The following PCDHGB1 variants were observed in gnomAD, a reference collection of about 807,000 sequenced individuals.
The protein encoded by PCDHGB1 is protocadherin gamma-B1.
PCDHGB1 carries 34 observed loss-of-function variants against 56.6 expected under a neutral mutation model. The observed-to-expected ratio is 0.60, with a 90% CI of 0.46 to 0.80. The LOEUF (loss-of-function observed/expected upper bound fraction) is 0.80. Among genes scored for constraint, PCDHGB1 ranks in the 30% least tolerant of loss-of-function variants. PCDHGB1 has a pLI of 0.00. For synonymous variants in PCDHGB1, 561 were observed against 505.9 expected (o/e 1.11, Z -1.46); for missense variants, 1,278 against 1,204.6 (o/e 1.06, Z -0.90).
chr5:141,486,421 G>A lies in PCDHGB1; in HGVS notation c.2410-8386G>A, dbSNP rs772631503. ...TGACTGCTGGACCCTTGGATCGAGA[G>A]GCCAAATCTAGCTATGACATCATGG... On this transcript the variant is annotated intron_variant, in intron 1 of 3. Coordinates refer to ENST00000523390, the MANE Select transcript of PCDHGB1 (RefSeq NM_018922.3). This position sits in a 1 kb window ranked among gnomAD's most constrained non-coding sequence, Gnocchi z 5.0. 2.5e-6 allele frequency: 4 copies of A among 1,614,152 alleles called. No homozygotes were observed. In the East Asian group the frequency reaches 6.7e-5, roughly 27 times the overall value.
chr5:141,416,699 T>C (rs1232694721), intron 1 of PCDHGB1: 1 of 152,092 alleles, frequency 6.6e-6, no homozygotes, highest in Non-Finnish European at 1.5e-5. Context: ...AAACAAAGGA[T>C]CATTGGAGGT....
intron 1 of PCDHGB1, chr5:141,389,603 C>A: frequency 6.2e-7 from 1 of 1,613,148 alleles, no homozygotes; most frequent in Non-Finnish European, 8.5e-7. Flanking sequence ...CTGCGCTCTT[C>A]GATATGGTGC....
In PCDHGB1 at chr5:141,510,983, C is replaced by T; in HGVS notation, c.2594C>T (p.Ala865Val). The change falls in exon 4 of 4, where the codon GCC becomes GTC. Residue 865 changes from alanine to valine, a missense_variant. Transcript: ENST00000523390. The stretch of plus-strand genomic sequence containing the variant: ...GGGAGCTCCACCCTGGGAGGGGGTG[C>T]CGGCACCATGGGATTGAGCGCCCGC... ...ADGSSTLGGG[A>V]GTMGLSARYG... The T allele has an allele frequency of 6.2e-7, 1 of 1,614,162 alleles. No homozygotes were observed. The highest frequency in any genetic ancestry group is 8.5e-7 in the Non-Finnish European group (1 of 1,180,012).
chr5:141,453,111 G>A (rs1040339344), intron 1 of PCDHGB1, among the ~76,000 whole-genome samples: 5 of 151,718 alleles, frequency 3.3e-5, no homozygotes, highest in Non-Finnish European at 5.9e-5. Flanking sequence ...TTTTTGTTTT[G>A]TTTTGTTTTG....
chr5:141,356,569 T>C, intron 1 of PCDHGB1: 1 of 1,614,170 alleles, frequency 6.2e-7, no homozygotes, highest in Non-Finnish European at 8.5e-7. Flanking sequence ...TCATGCTTCC[T>C]ACTCTGCTTA....
chr5:141,358,643 A>G (rs1291324695), intron 1 of PCDHGB1, among the ~76,000 whole-genome samples: 1 of 152,082 alleles, frequency 6.6e-6, no homozygotes, highest in Non-Finnish European at 1.5e-5. Context: ...ATATATAAGT[A>G]GATTCTAGGA....
At position 141,375,271 on chromosome 5, in the gene PCDHGB1, A is replaced by C. The variant is rs748119820; in HGVS notation, c.2409+22602A>C. 1.5e-5 allele frequency: 24 copies of C among 1,613,884 alleles called. No homozygotes were observed. The East Asian group carries it at 4.5e-4, about 30-fold the overall frequency. On this transcript the variant is annotated intron_variant, in intron 1 of 3. Coordinates refer to ENST00000523390, the MANE Select transcript of PCDHGB1 (RefSeq NM_018922.3). ...GAAGTCTCCCATTTGAATTGGAAAAATCAGTTGGCAATTATTATCGATTAG... is the reference window on the plus strand; with the variant it reads ...GAAGTCTCCCATTTGAATTGGAAAACTCAGTTGGCAATTATTATCGATTAG...
chr5:141,409,803 C>T (rs779815582), intron 1 of PCDHGB1: 3 of 1,611,528 alleles, frequency 1.9e-6, no homozygotes, highest in African/African-American at 1.3e-5. Flanking sequence ...ACGCTGCAGG[C>T]CCGCGACCAC....
At position 141,431,031 on chromosome 5, in the gene PCDHGB1, A is replaced by C; in HGVS notation, c.2410-63776A>C. Reference sequence around the variant, plus strand: ...AGCTTGGTCACGGCGGGCAGGATAGACCGGGAGGAGCTCTGTATGGGGGCC... The same window carrying C: ...AGCTTGGTCACGGCGGGCAGGATAGCCCGGGAGGAGCTCTGTATGGGGGCC... On this transcript the variant is annotated intron_variant, in intron 1 of 3. Coordinates refer to ENST00000523390, the MANE Select transcript of PCDHGB1 (RefSeq NM_018922.3). This position sits in a 1 kb window ranked among gnomAD's most constrained non-coding sequence, Gnocchi z 4.8. 1 of 1,614,036 alleles carries C rather than the reference A, an allele frequency of 6.2e-7. No homozygotes were observed. The highest frequency in any genetic ancestry group is 8.5e-7 in the Non-Finnish European group (1 of 1,180,000).
At chr5:141,463,610 G>A (rs189991450) in intron 1 of PCDHGB1, among the ~76,000 whole-genome samples, 2 of 151,672 alleles carry the variant, frequency 1.3e-5, no homozygotes, top group Admixed American at 6.6e-5. Flanking sequence ...CACCATGCCC[G>A]GCTAATTTTT....
At chr5:141,391,868 A>T (rs1269292273) in intron 1 of PCDHGB1, 1 of 152,190 alleles carries the variant, frequency 6.6e-6, no homozygotes, top group Non-Finnish European at 1.5e-5. Context: ...AAATTTAATC[A>T]TCTCTTTGGT....
chr5:141,430,458 A>G, intron 1 of PCDHGB1: 1 of 204,230 alleles, frequency 4.9e-6, no homozygotes, highest in Non-Finnish European at 9.7e-6. Context: ...GAAGAACAGT[A>G]GGTGGAGCTA....
intron 1 of PCDHGB1, chr5:141,413,581 A>T: frequency 1.9e-6 from 3 of 1,613,920 alleles, no homozygotes; most frequent in Non-Finnish European, 2.5e-6. Context: ...CAATGCTCCA[A>T]AATTCCAAGC....
intron 1 of PCDHGB1, chr5:141,418,431 A>T (rs751083183): frequency 1.9e-6 from 3 of 1,614,000 alleles, no homozygotes; most frequent in East Asian, 2.2e-5. Flanking sequence ...GGTGGCAAAT[A>T]TCCAGAATTA....
rs536313993 is a variant in PCDHGB1, at chr5:141,436,142, T to G, written c.2410-58665T>G. Among the ~76,000 whole-genome samples, 46 of 152,334 alleles carry G rather than the reference T, an allele frequency of 3.0e-4. No homozygotes were observed. The South Asian group carries it at 3.1e-3, about 10-fold the overall frequency. ...CTCTCCTCCATCATCTTGTATGAAC[T>G]ACCAAAATGTTTATCATATGGACAG... On this transcript the variant is annotated intron_variant, in intron 1 of 3. Coordinates refer to ENST00000523390, the MANE Select transcript of PCDHGB1 (RefSeq NM_018922.3).
At chr5:141,404,248 G>A in intron 1 of PCDHGB1, 2 of 1,613,812 alleles carry the variant, frequency 1.2e-6, no homozygotes, top group African/African-American at 2.7e-5. Flanking sequence ...CTCCGCCCCT[G>A]TCCACAGAAA....
intron 1 of PCDHGB1, among the ~76,000 whole-genome samples, chr5:141,406,273 G>C (rs1366399912): frequency 6.6e-6 from 1 of 151,898 alleles, no homozygotes; most frequent in Non-Finnish European, 1.5e-5. Context: ...TCCTGCTTCA[G>C]TTTCCCAAAG....
chr5:141,463,184 T>A (rs62379194), intron 1 of PCDHGB1, among the ~76,000 whole-genome samples: 5,135 of 152,236 alleles, frequency 0.034, 100 homozygotes, highest in Middle Eastern at 0.088. Context: ...CTCAGATTAT[T>A]ATTTAGCCAA....
At chr5:141,480,649 C>A (rs2099522804) in intron 1 of PCDHGB1, among the ~76,000 whole-genome samples, 1 of 152,184 alleles carries the variant, frequency 6.6e-6, no homozygotes, top group Non-Finnish European at 1.5e-5. Flanking sequence ...AACTTGGTTG[C>A]ACATTAAAAT....
Sources: allele counts gnomAD v4.1 joint callset (sites outside exome capture counted in the v4.1 genomes callset), GRCh38; gene constraint gnomAD v4.1.1; non-coding constraint Gnocchi (gnomAD v3.1); transcripts MANE v1.5; gene names NCBI Gene and HGNC (gene_info 2026-07-23, HGNC 2026-07-21).